The following JARID2 variants were observed in gnomAD, a reference collection of about 807,000 sequenced individuals.
JARID2 encodes the protein jumonji and AT-rich interaction domain containing 2, also known as protein Jumonji.
JARID2 carries 21 observed loss-of-function variants against 125.6 expected under a neutral mutation model. The ratio of observed to expected loss-of-function variants is 0.17; its 90% CI spans 0.12 to 0.24. The LOEUF is 0.24. JARID2 is among the 10% of genes least tolerant of loss of function. The pLI is 1.00. For missense variants in JARID2, 1,303 were observed against 1,639.6 expected (o/e 0.79, Z 3.55); for synonymous variants, 736 against 661.6 (o/e 1.11, Z -1.73).
At chr6:15,332,745 C>G (rs555508407) in intron 1 of JARID2, among the ~76,000 whole-genome samples, 2 of 151,582 alleles carry the variant, frequency 1.3e-5, no homozygotes, top group Non-Finnish European at 2.9e-5. Flanking sequence ...GGAAAGAGAA[C>G]AATTTTTTTG....
chr6:15,293,772 A>G (rs1385761866), intron 1 of JARID2, among the ~76,000 whole-genome samples: 3 of 152,248 alleles, frequency 2.0e-5, no homozygotes, highest in Middle Eastern at 3.4e-3. Context: ...TTCAGAATCA[A>G]TTTGTGCTCT....
At chr6:15,445,810 G>C (rs997289652) in intron 3 of JARID2, among the ~76,000 whole-genome samples, 1 of 152,228 alleles carries the variant, frequency 6.6e-6, no homozygotes, top group African/African-American at 2.4e-5. Context: ...TGGTGAGAAT[G>C]GGCAAGTGGC....
intron 8 of JARID2, among the ~76,000 whole-genome samples, chr6:15,502,892 G>GT (rs1409007401): frequency 6.6e-6 from 1 of 152,216 alleles, no homozygotes; most frequent in Non-Finnish European, 1.5e-5. Context: ...TTTATTTGGT[G>GT]TTTCCTGAAT....
chr6:15,284,121 C>T (rs564397671), intron 1 of JARID2, among the ~76,000 whole-genome samples: 8 of 152,222 alleles, frequency 5.3e-5, no homozygotes, highest in African/African-American at 1.2e-4. Flanking sequence ...GCTTCTGTGA[C>T]GCCAAGAATA....
chr6:15,310,056 T>C (rs1761963156), intron 1 of JARID2, among the ~76,000 whole-genome samples: 1 of 152,218 alleles, frequency 6.6e-6, no homozygotes. Flanking sequence ...GATTTTGGAC[T>C]CTTAATGAGA....
In JARID2 at chr6:15,337,627, G is replaced by C. The variant is rs575552525; in HGVS notation, c.46-36490G>C. Among the ~76,000 whole-genome samples, 44 of 152,300 alleles carry C rather than the reference G, an allele frequency of 2.9e-4. 1 individual carries two copies. In the South Asian group the frequency reaches 2.9e-3, roughly 10 times the overall value. Reference sequence around the variant, plus strand: ...AACTGGGAAAAGACATAAGGATTAGGGGGGGTCCACTTGCACTAAGCAAGG... The same window carrying C: ...AACTGGGAAAAGACATAAGGATTAGCGGGGGTCCACTTGCACTAAGCAAGG... On this transcript the variant is annotated intron_variant, in intron 1 of 17. Transcript: ENST00000341776.
chr6:15,487,525 C>G lies in JARID2; in HGVS notation c.889C>G (p.Gln297Glu). 6.2e-7 allele frequency: 1 copy of G among 1,609,322 alleles called. No homozygotes were observed. The highest frequency in any genetic ancestry group is 8.5e-7 in the Non-Finnish European group (1 of 1,176,506). ...HHHPPLHRSA[Q>E]DLRKQVSKVN... ...CCACCCCCCTCTGCATCGGTCGGCT[C>G]AGGACTTACGGAAACAGGTAAAGTC... Residue 297 changes from glutamine to glutamate, a missense_variant, in exon 6 of 18, where the codon CAG becomes GAG. Gln to Glu is a conservative substitution (Grantham distance 29). Transcript: ENST00000341776.
intron 2 of JARID2, among the ~76,000 whole-genome samples, chr6:15,403,006 A>G (rs1470110329): frequency 3.3e-5 from 5 of 152,080 alleles, no homozygotes; most frequent in Admixed American, 3.3e-4. Flanking sequence ...TTCAGTCATT[A>G]TTATTATTCT....
At chr6:15,388,731 AGAGCTGTCTCT>A (rs1764885956) in intron 2 of JARID2, among the ~76,000 whole-genome samples, 1 of 152,024 alleles carries the variant, frequency 6.6e-6, no homozygotes, top group Non-Finnish European at 1.5e-5. Flanking sequence ...ACATCCAAGG[AGAGCTGTCTCT>A]TGTGTTTCAT....
At chr6:15,512,427 G>A (rs371758681) in intron 14 of JARID2, 37 bp downstream of exon 14, 15 of 1,599,598 alleles carry the variant, frequency 9.4e-6, no homozygotes, top group Admixed American at 1.7e-5. Context: ...TGCTGCCCCC[G>A]CATCCCTGTG....
At chr6:15,279,660 C>G (rs1455036367) in intron 1 of JARID2, among the ~76,000 whole-genome samples, 4 of 152,208 alleles carry the variant, frequency 2.6e-5, no homozygotes, top group African/African-American at 9.7e-5. Context: ...TTCATGTACA[C>G]CATTATTAAT....
At chr6:15,494,195 T>C (rs1770291867) in intron 6 of JARID2, among the ~76,000 whole-genome samples, 1 of 152,160 alleles carries the variant, frequency 6.6e-6, no homozygotes, top group Admixed American at 6.5e-5. Flanking sequence ...TCTTTCCTTT[T>C]TGATTTTTAT....
At chr6:15,437,484 C>T (rs1163597836) in intron 3 of JARID2, among the ~76,000 whole-genome samples, 3 of 152,148 alleles carry the variant, frequency 2.0e-5, no homozygotes, top group Non-Finnish European at 4.4e-5. Context: ...TGTCTATCTG[C>T]AGTGCTAGTT....
chr6:15,290,841 C>G (rs963955760), intron 1 of JARID2, among the ~76,000 whole-genome samples: 1 of 152,178 alleles, frequency 6.6e-6, no homozygotes, highest in Non-Finnish European at 1.5e-5. Context: ...AGTATGGTCT[C>G]GATCTGCTGA....
At chr6:15,247,547 A>T in intron 1 of JARID2, 1 of 976,054 alleles carries the variant, frequency 1.0e-6, no homozygotes, top group Non-Finnish European at 1.2e-6. Context: ...TTTTTTTTCA[A>T]AAAAGGCCAA....
intron 12 of JARID2, 65 bp from the exon 13 acceptor site, chr6:15,511,231 G>A (rs931764722): frequency 5.1e-5 from 56 of 1,101,678 alleles, no homozygotes; most frequent in Non-Finnish European, 7.6e-5. Context: ...GACGGGGGTG[G>A]CCCAGTACAT....
Position 15,492,499 on chromosome 6 carries a change from C to T in JARID2, c.907-3633C>T, listed in dbSNP as rs76091613. 5.6e-3 allele frequency among the ~76,000 whole-genome samples: 847 copies of T among 152,298 alleles called. 10 individuals are homozygous for T. Among genetic ancestry groups the T allele is most frequent in the African/African-American group, 0.019 (773 of 41,552 alleles). Reference sequence around the variant, plus strand: ...AGGTAAGACAATGCCTTCCTCCATTCTTCTGTTTCCTTTTGTACTGATTAA... The same window carrying T: ...AGGTAAGACAATGCCTTCCTCCATTTTTCTGTTTCCTTTTGTACTGATTAA... On this transcript the variant is annotated intron_variant, in intron 6 of 17. Transcript: ENST00000341776.
At chr6:15,289,589 A>C (rs1055183658) in intron 1 of JARID2, among the ~76,000 whole-genome samples, 5 of 151,662 alleles carry the variant, frequency 3.3e-5, no homozygotes, top group African/African-American at 7.3e-5. Context: ...GGGCGCAGTG[A>C]GTCACATCTG....
intron 3 of JARID2, among the ~76,000 whole-genome samples, chr6:15,431,722 C>G (rs1055229810): frequency 6.6e-6 from 1 of 152,158 alleles, no homozygotes. Flanking sequence ...AAGAAATTTA[C>G]AGATGGCAGT....
Sources: allele counts gnomAD v4.1 joint callset (sites outside exome capture counted in the v4.1 genomes callset), GRCh38; gene constraint gnomAD v4.1.1; transcripts MANE v1.5; gene names NCBI Gene and HGNC (gene_info 2026-07-23, HGNC 2026-07-21).